Variants in TGFB1 observed in about 807,000 individuals in gnomAD.
TGFB1 encodes the protein transforming growth factor beta-1 proprotein.
TGFB1 carries 19 observed loss-of-function variants against 43.8 expected under a neutral mutation model. The observed-to-expected ratio is 0.43, with a 90% confidence interval of 0.30 to 0.64. The LOEUF is 0.64. TGFB1 is among the 30% of genes least tolerant of loss of function. The pLI is 0.11. For missense variants in TGFB1, 445 were observed against 529.8 expected, an observed-to-expected ratio of 0.84 and a Z score of 1.57; for synonymous variants, 221 against 236.3, an observed-to-expected ratio of 0.94 and a Z score of 0.60.
chr19:41,341,466 CAAA>C (rs770264069), intron 5 of TGFB1, among the ~76,000 whole-genome samples: 100 of 35,570 alleles, frequency 2.8e-3, no homozygotes, highest in African/African-American at 8.6e-3. Flanking sequence ...GACTCTGTCT[CAAA>C]AAAAAAAAAA....
Position 41,332,198 on chromosome 19 carries a change from T to A in TGFB1, c.944A>T (p.Lys315Met). 6.2e-7 allele frequency: 1 copy of A among 1,614,190 alleles called. No homozygotes were observed. The highest frequency in any genetic ancestry group is 8.5e-7 in the Non-Finnish European group (1 of 1,180,022). The change falls in exon 6 of 7, where the codon AAG (lysine) becomes ATG (methionine). Residue 315 changes from lysine (K) to methionine (M), a missense_variant. Physicochemically the swap from Lys to Met is moderately conservative, Grantham distance 95. This residue lies in a region of TGFB1 where 366 missense variants were observed against 428.8 expected (regional missense o/e 0.85). Coordinates refer to ENST00000221930, the MANE Select transcript of TGFB1 (RefSeq NM_000660.7). ...DLGWKWIHEP[K>M]GYHANFCLGP... is the part of the protein sequence containing the mutation. The stretch of plus-strand genomic sequence containing the variant: ...GAGGCAGAAGTTGGCATGGTAGCCC[T>A]TGGGCTCGTGGATCCACTTCCAGCC...
chr19:41,340,393 C>A (rs1338801092), intron 5 of TGFB1, among the ~76,000 whole-genome samples: 1 of 151,748 alleles, frequency 6.6e-6, no homozygotes, highest in African/African-American at 2.4e-5. Context: ...ACCTGGATAG[C>A]CGTAATCCCA....
chr19:41,340,820 T>C (rs2038046702), intron 5 of TGFB1, among the ~76,000 whole-genome samples: 1 of 152,204 alleles, frequency 6.6e-6, no homozygotes, highest in African/African-American at 2.4e-5. Context: ...TCTTCCCATT[T>C]TGAATCCCCA....
chr19:41,350,910 G>A (rs1354146635), intron 1 of TGFB1: 1 of 152,472 alleles, frequency 6.6e-6, no homozygotes, highest in African/African-American at 2.4e-5. Context: ...CAGAGAGGAG[G>A]GAGAGGAAGG....
chr19:41,331,321 C>T, intron 6 of TGFB1, 111 bp from the exon 7 acceptor site: 2 of 1,275,606 alleles, frequency 1.6e-6, no homozygotes, highest in East Asian at 2.7e-5. Context: ...CTTCGTCTCT[C>T]CCCGCATCCC....
chr19:41,352,186 G>T (rs1006757968), intron 1 of TGFB1, among the ~76,000 whole-genome samples: 1 of 151,640 alleles, frequency 6.6e-6, no homozygotes, highest in Admixed American at 6.6e-5. Flanking sequence ...GCACCCTCTG[G>T]GGTTGCCTTC....
chr19:41,342,107 C>A, intron 4 of TGFB1, 63 bp downstream of exon 4: 2 of 1,612,522 alleles, frequency 1.2e-6, no homozygotes, highest in South Asian at 2.2e-5. Context: ...GGGCGTGGGG[C>A]AGATGGGAAC....
chr19:41,337,361 G>A (rs1366981797), intron 5 of TGFB1, among the ~76,000 whole-genome samples: 3 of 151,958 alleles, frequency 2.0e-5, no homozygotes, highest in East Asian at 1.9e-4. Flanking sequence ...GACTGGTCTC[G>A]AACTCCTGAC....
chr19:41,335,815 C>A (rs917903409), intron 5 of TGFB1, among the ~76,000 whole-genome samples: 2 of 152,042 alleles, frequency 1.3e-5, no homozygotes, highest in Admixed American at 6.6e-5. Flanking sequence ...CATAGTGAGA[C>A]CCTGTCGCTA....
intron 2 of TGFB1, among the ~76,000 whole-genome samples, chr19:41,347,644 A>G (rs919091658): frequency 6.6e-6 from 1 of 152,044 alleles, no homozygotes; most frequent in Non-Finnish European, 1.5e-5. Context: ...CCTGGCCAAC[A>G]TGATAAAACT....
At chr19:41,349,626 G>A (rs963823017) in intron 1 of TGFB1, among the ~76,000 whole-genome samples, 9 of 152,062 alleles carry the variant, frequency 5.9e-5, no homozygotes, top group Non-Finnish European at 1.2e-4. Context: ...GCATGGTGCC[G>A]GACGGCTCTA....
At chr19:41,333,726 T>C (rs8105161) in intron 5 of TGFB1, among the ~76,000 whole-genome samples, 29,656 of 152,080 alleles carry the variant, frequency 0.2, 3,225 homozygotes, top group East Asian at 0.35. Context: ...TAAAGCAGTG[T>C]CTGGAATGCA....
Position 41,344,791 on chromosome 19 carries a change from G to A in TGFB1, c.590C>T (p.Ser197Phe). 2 of 1,613,884 alleles carry A rather than the reference G, an allele frequency of 1.2e-6. No individual in the cohort carries two copies. Among genetic ancestry groups the A allele is most frequent in the Non-Finnish European group, 1.7e-6 (2 of 1,179,922 alleles). The change falls in exon 3 of 7, where the codon TCT becomes TTT. Residue 197 changes from serine to phenylalanine, a missense_variant. This residue lies in a region of TGFB1 where 366 missense variants were observed against 428.8 expected (regional missense o/e 0.85). Transcript: ENST00000221930. ...CCGCACAACTCCGGTGACATCAAAA[G>A]ATAACCACTCTGGCGAGTCGCTGGG... ...LAPSDSPEWLSFDVTGVVRQW... is the reference protein window; with the variant it reads ...LAPSDSPEWLFFDVTGVVRQW...
intron 5 of TGFB1, 25 bp from the exon 6 acceptor site, chr19:41,332,306 G>T: frequency 6.2e-7 from 1 of 1,606,568 alleles, no homozygotes. Flanking sequence ...GACGCGTCAG[G>T]GGCAGGGAGG....
intron 2 of TGFB1, among the ~76,000 whole-genome samples, 162 bp downstream of exon 2, chr19:41,348,130 CAAA>C (rs11347492): frequency 9.5e-5 from 13 of 136,712 alleles, no homozygotes; most frequent in Admixed American, 2.3e-4. Flanking sequence ...GACACTGTCT[CAAA>C]AAAAAAAAAA....
intron 1 of TGFB1, among the ~76,000 whole-genome samples, chr19:41,351,939 G>T (rs10418010): frequency 0.01 from 1,569 of 151,880 alleles, 34 homozygotes; most frequent in African/African-American, 0.036. Flanking sequence ...CCTCCGCTGG[G>T]CTCCCCACTC....
intron 5 of TGFB1, among the ~76,000 whole-genome samples, chr19:41,335,008 C>G (rs1345588063): frequency 6.6e-6 from 1 of 151,738 alleles, no homozygotes; most frequent in Non-Finnish European, 1.5e-5. Context: ...TTCACTTTCT[C>G]ACAGGAAGTT....
At chr19:41,343,948 C>A (rs1304518668) in intron 3 of TGFB1, among the ~76,000 whole-genome samples, 1 of 150,498 alleles carries the variant, frequency 6.6e-6, no homozygotes, top group East Asian at 1.9e-4. Context: ...GGCCTCCAGG[C>A]CTTTGCACAG....
intron 2 of TGFB1, among the ~76,000 whole-genome samples, chr19:41,347,936 A>G (rs987299492): frequency 1.3e-5 from 2 of 151,406 alleles, no homozygotes; most frequent in African/African-American, 4.9e-5. Context: ...GATCGAGACC[A>G]TCCTGGCCAA....
Sources: gnomAD v4.1 joint callset for allele counts (sites outside exome capture counted in the v4.1 genomes callset) on GRCh38, gnomAD v4.1.1 for gene constraint, gnomAD v4.1.1 regional missense constraint, MANE v1.5 for transcripts, NCBI Gene and HGNC (gene_info 2026-07-23, HGNC 2026-07-21) for gene names.